HNRNPM: variants seen among roughly 807,000 people sequenced by gnomAD.
HNRNPM encodes CEA receptor.
A neutral mutation model predicts 73.1 loss-of-function variants in HNRNPM; 11 were observed. That is an observed-to-expected ratio of 0.15 (90% CI 0.09 to 0.25). The LOEUF (loss-of-function observed/expected upper bound fraction) is 0.25, where lower values mean the gene tolerates loss of function less well. Among genes scored for constraint, HNRNPM ranks in the 10% least tolerant of loss-of-function variants. The pLI is 1.00. For missense variants in HNRNPM, 789 were observed against 1,067.9 expected, an observed-to-expected ratio of 0.74 and a Z score of 3.64; for synonymous variants, 407 against 355.2, an observed-to-expected ratio of 1.15 and a Z score of -1.64.
At chr19:8,487,258 C>T in intron 15 of HNRNPM, 183 bp downstream of exon 15, 1 of 648,060 alleles carries the variant, frequency 1.5e-6, no homozygotes, top group Non-Finnish European at 2.8e-6. Context: ...ACATGTTTTT[C>T]AGCTGTGTTC....
chr19:8,448,504 T>A (rs1599739733), intron 1 of HNRNPM, among the ~76,000 whole-genome samples: 1 of 146,744 alleles, frequency 6.8e-6, no homozygotes, highest in South Asian at 2.2e-4. Context: ...GGAGTCTCGC[T>A]CTGTTGCCCA....
intron 1 of HNRNPM, among the ~76,000 whole-genome samples, chr19:8,453,474 C>G (rs1410547637): frequency 6.6e-6 from 1 of 152,164 alleles, no homozygotes; most frequent in Non-Finnish European, 1.5e-5. Flanking sequence ...AGTAGCTTCT[C>G]CAGCTACTAT....
At chr19:8,466,107 G>T in intron 6 of HNRNPM, 128 bp from the exon 7 acceptor site, 2 of 860,894 alleles carry the variant, frequency 2.3e-6, no homozygotes, top group Admixed American at 5.1e-5. Flanking sequence ...CATTGCAGTT[G>T]ATTAGTTTTT....
At chr19:8,460,438 G>C (rs1462367710) in intron 2 of HNRNPM, among the ~76,000 whole-genome samples, 2 of 152,104 alleles carry the variant, frequency 1.3e-5, no homozygotes, top group African/African-American at 4.8e-5. Flanking sequence ...CTGGACCCCC[G>C]GGTGACTGCT....
chr19:8,471,783 C>T (rs917423749), intron 10 of HNRNPM, among the ~76,000 whole-genome samples: 5 of 152,252 alleles, frequency 3.3e-5, no homozygotes, highest in Admixed American at 2.6e-4. Flanking sequence ...ATAGCACTGC[C>T]GCAGTGCCCT....
chr19:8,462,677 T>C lies in HNRNPM; in HGVS notation c.336+96T>C. On this transcript the variant is annotated intron_variant, in intron 3 of 15. Transcript: ENST00000325495. This position sits in a 1 kb window ranked among gnomAD's most constrained non-coding sequence, Gnocchi z 4.5. The stretch of plus-strand genomic sequence containing the variant: ...CGAATGAAATCAGGAAGGCAGTGAG[T>C]GCTCATGTTACAGTAGCTATGTTTG... 2.9e-6 allele frequency: 3 copies of C among 1,031,340 alleles called. No homozygotes were observed. Among genetic ancestry groups the C allele is most frequent in the Non-Finnish European group, 4.6e-6 (3 of 649,884 alleles). 63.9% of individuals were successfully genotyped at this position (1,031,340 alleles called of 1,614,324 possible).
Position 8,464,909 on chromosome 19 carries a change from GT to G in HNRNPM, c.439-412del, listed in dbSNP as rs1969639340. Among the ~76,000 whole-genome samples the G allele has an allele frequency of 2.0e-5, 3 of 152,080 alleles. No individual in the cohort carries two copies. The South Asian group carries it at 6.2e-4, about 32-fold the overall frequency. On this transcript the variant is annotated intron_variant, in intron 5 of 15. Transcript: ENST00000325495. Reference sequence around the variant, plus strand: ...GGGGGCGCTTGTGTGGTCTAGAACTGTTTCTCAAACTTCTGGAAGCCATTGA... The same window carrying G: ...GGGGGCGCTTGTGTGGTCTAGAACTGTTCTCAAACTTCTGGAAGCCATTGA...
chr19:8,451,463 TAAAA>T (rs141784669), intron 1 of HNRNPM, among the ~76,000 whole-genome samples: 1 of 152,060 alleles, frequency 6.6e-6, no homozygotes, highest in Non-Finnish European at 1.5e-5. Context: ...TTGGACATGT[TAAAA>T]AAAGAGCTTT....
At chr19:8,476,671 G>A (rs540142273) in intron 12 of HNRNPM, among the ~76,000 whole-genome samples, 13 of 152,286 alleles carry the variant, frequency 8.5e-5, no homozygotes, top group Non-Finnish European at 1.9e-4. Context: ...GGAGTTCACG[G>A]TGCTCCCTGA....
At chr19:8,472,494 G>C (rs1317150028) in intron 10 of HNRNPM, among the ~76,000 whole-genome samples, 3 of 152,160 alleles carry the variant, frequency 2.0e-5, no homozygotes, top group African/African-American at 7.2e-5. Flanking sequence ...CCCCATGTCT[G>C]ACATCTAAAC....
intron 1 of HNRNPM, among the ~76,000 whole-genome samples, chr19:8,446,042 CACTTAA>C (rs1968157009): frequency 1.3e-5 from 2 of 152,178 alleles, no homozygotes; most frequent in South Asian, 2.1e-4. Context: ...TGATTACAGA[CACTTAA>C]GAGAGACAGA....
At chr19:8,471,064 A>G (rs923853077) in intron 9 of HNRNPM, among the ~76,000 whole-genome samples, 1 of 152,154 alleles carries the variant, frequency 6.6e-6, no homozygotes, top group African/African-American at 2.4e-5. Context: ...TAGGCTCTCA[A>G]GAATCTTAGT....
intron 12 of HNRNPM, among the ~76,000 whole-genome samples, chr19:8,480,229 A>T (rs1227992495): frequency 6.9e-6 from 1 of 145,884 alleles, no homozygotes; most frequent in African/African-American, 2.5e-5. Flanking sequence ...TACAAAAATT[A>T]GCCGGGCATG....
intron 13 of HNRNPM, among the ~76,000 whole-genome samples, chr19:8,484,814 T>C (rs1291830648): frequency 2.0e-5 from 3 of 152,274 alleles, no homozygotes; most frequent in African/African-American, 4.8e-5. Flanking sequence ...AGGGGTGGCC[T>C]TGCTGACGGA....
intron 1 of HNRNPM, among the ~76,000 whole-genome samples, chr19:8,447,213 T>A (rs139188005): frequency 5.9e-4 from 90 of 151,346 alleles, no homozygotes; most frequent in African/African-American, 2.0e-3. Context: ...GAGGATAGTT[T>A]AGGAAGCTGG....
chr19:8,463,177 G>C (rs1969506493), intron 3 of HNRNPM, among the ~76,000 whole-genome samples: 1 of 152,220 alleles, frequency 6.6e-6, no homozygotes, highest in South Asian at 2.1e-4. Flanking sequence ...ACTCGATTGA[G>C]TACAGAGGGA....
In HNRNPM at chr19:8,485,672, G is replaced by T. The variant is rs1036409514; in HGVS notation, c.1244G>T (p.Gly415Val). 9.3e-6 allele frequency: 15 copies of T among 1,607,790 alleles called. No homozygotes were observed. The highest frequency in any genetic ancestry group is 1.3e-5 in the Non-Finnish European group (15 of 1,179,622). ...GGCATTGACCGCCTCGGGGGTGCCG[G>T]CATGGAGCGCATGGGCGCGGGCCTG... Reference protein sequence around the residue: ...GPGIDRLGGAGMERMGAGLGH... With the variant: ...GPGIDRLGGAVMERMGAGLGH... The change falls in exon 14 of 16, where the codon GGC (glycine) becomes GTC (valine). Residue 415 changes from glycine (G) to valine (V), a missense_variant. Physicochemically the swap from Gly to Val is moderately radical, Grantham distance 109 (BLOSUM62 -3). This residue lies in a region of HNRNPM where 604 missense variants were observed against 744.0 expected (regional missense o/e 0.81). Transcript: ENST00000325495.
chr19:8,479,066 TTTTC>T (rs1406353377), intron 12 of HNRNPM, among the ~76,000 whole-genome samples: 1 of 141,642 alleles, frequency 7.1e-6, no homozygotes, highest in African/African-American at 2.6e-5. Context: ...TCCTCCTCTT[TTTTC>T]TTTCTTTCTT....
chr19:8,483,063 T>C (rs978030472), intron 12 of HNRNPM, 95 bp from the exon 13 acceptor site: 1 of 756,976 alleles, frequency 1.3e-6, no homozygotes, highest in African/African-American at 1.8e-5. Flanking sequence ...TTGTCATTTT[T>C]ATTAGTAGTA....
Sources: allele counts gnomAD v4.1 joint callset (sites outside exome capture counted in the v4.1 genomes callset), GRCh38; gene constraint gnomAD v4.1.1; regional missense constraint gnomAD v4.1.1; non-coding constraint Gnocchi (gnomAD v3.1); transcripts MANE v1.5; gene names NCBI Gene and HGNC (gene_info 2026-07-23, HGNC 2026-07-21).